PLA2G4F: variants seen among roughly 807,000 people sequenced by gnomAD.
PLA2G4F encodes cytosolic phospholipase A2 zeta.
A neutral mutation model predicts 103.1 loss-of-function variants in PLA2G4F; 105 were observed. The ratio of observed to expected loss-of-function variants is 1.02; its 90% CI spans 0.87 to 1.20. The LOEUF (loss-of-function observed/expected upper bound fraction) is 1.20, where lower values mean the gene tolerates loss of function less well. Ranked by LOEUF, PLA2G4F falls within the 50% of genes most tolerant of loss-of-function variation. The probability of loss-of-function intolerance (pLI) is 0.00; values close to 1 mark genes in which losing one functional copy is unlikely to be tolerated. For synonymous variants in PLA2G4F, 468 were observed against 441.1 expected, an observed-to-expected ratio of 1.06 and a Z score of -0.76; for missense variants, 1,155 against 1,075.9, an observed-to-expected ratio of 1.07 and a Z score of -1.03.
At position 42,144,566 on chromosome 15, in the gene PLA2G4F, T is replaced by C; in HGVS notation, c.1859A>G (p.Gln620Arg). The C allele has an allele frequency of 6.2e-7, 1 of 1,613,310 alleles. No individual in the cohort carries two copies. The highest frequency in any genetic ancestry group is 8.5e-7 in the Non-Finnish European group (1 of 1,179,956). ...RLLTPQGPFSQAVLDIFTSRF... is the reference protein window; with the variant it reads ...RLLTPQGPFSRAVLDIFTSRF... ...GGAGGTGAATATGTCCAGCACAGCC[T>C]GGGAGAAGGGCCCCTGTGGGGTGAG... The change falls in exon 17 of 20, where the codon CAG (glutamine) becomes CGG (arginine). Residue 620 changes from glutamine to arginine, a missense_variant. Gln to Arg is a conservative substitution (Grantham distance 43). Coordinates refer to ENST00000397272, the MANE Select transcript of PLA2G4F (RefSeq NM_213600.4).
rs1393949417 is a variant in PLA2G4F at position 42,150,677 on chromosome 15, G to C, written c.702C>G (p.Thr234=). 4 of 1,613,900 alleles carry C rather than the reference G, an allele frequency of 2.5e-6. No homozygotes were observed. Among genetic ancestry groups the C allele is most frequent in the Admixed American group, 1.7e-5 (1 of 59,986 alleles). The change falls in exon 8 of 20, where the codon ACC becomes ACG. Residue 234 remains threonine (T), a synonymous_variant. Coordinates refer to ENST00000397272, the MANE Select transcript of PLA2G4F (RefSeq NM_213600.4). ...AGCTCAGCACTGGGTTCACGTGGAA[G>C]GTAAAGGTGGGTGGGAGGCCTGGCT... is the stretch of plus-strand genomic sequence containing the variant. ...PTEPGLPPTF[T]FHVNPVLSSR...
In PLA2G4F at chr15:42,141,442, A is replaced by G. The variant is rs114076163; in HGVS notation, c.*542T>C. The G allele has an allele frequency of 5.4e-3, 2,411 of 447,298 alleles. 60 individuals are homozygous for G. Among genetic ancestry groups the G allele is most frequent in the African/African-American group, 0.044 (2,212 of 50,004 alleles). 27.7% of individuals were successfully genotyped at this position (447,298 alleles called of 1,614,324 possible). A position where few individuals can be genotyped will look rare whatever the true frequency, so the allele number is the denominator to read the frequency against. ...GGCAGAAGGAGGGTTAGGATGATGG[A>G]GTCAGCAACATAGGCTGGCCATCCC... On this transcript the variant is annotated 3_prime_UTR_variant, in exon 20 of 20. Transcript: ENST00000397272.
intron 19 of PLA2G4F, 107 bp from the exon 20 acceptor site, chr15:42,142,311 G>T: frequency 8.3e-7 from 1 of 1,199,656 alleles, no homozygotes. Context: ...GGCTCCCTGC[G>T]GGCCCTGCTT....
chr15:42,142,983 A>G (rs1233438704), intron 18 of PLA2G4F, among the ~76,000 whole-genome samples: 1 of 151,994 alleles, frequency 6.6e-6, no homozygotes, highest in South Asian at 2.1e-4. Flanking sequence ...GATCAAGACC[A>G]CCCTGGCCAA....
In PLA2G4F at chr15:42,148,113, C is replaced by T. The variant is rs145509488; in HGVS notation, c.1060-351G>A. Among the ~76,000 whole-genome samples, 101 of 146,418 alleles carry T rather than the reference C, an allele frequency of 6.9e-4. 1 individual carries two copies. Among genetic ancestry groups the T allele is most frequent in the Middle Eastern group, 3.5e-3 (1 of 284 alleles). ...AGGAGAATGGCGTGAACCCAGGAGG[C>T]GGAGCTTGCAGTGAACTGAAATTTC... On this transcript the variant is annotated intron_variant, in intron 11 of 19. Transcript: ENST00000397272.
rs1023495221 is a variant in PLA2G4F at position 42,145,963 on chromosome 15, A to T, written c.1535-60T>A. ...CTTCCCACCACGGTGCTTGTGCCCA[A>T]GCAGGAATCTTAGCCTTGACAATGA... On this transcript the variant is annotated intron_variant, in intron 14 of 19. Transcript: ENST00000397272. 24 of 1,602,900 alleles carry T rather than the reference A, an allele frequency of 1.5e-5. No individual in the cohort carries two copies. The Admixed American group carries it at 4.0e-4, about 27-fold the overall frequency.
rs141134667 is a variant in PLA2G4F, at chr15:42,142,068, G to A, written c.2466C>T (p.Asn822=). 3.8e-5 allele frequency: 62 copies of A among 1,614,036 alleles called. No homozygotes were observed. Among genetic ancestry groups the A allele is most frequent in the African/African-American group, 3.7e-4 (28 of 74,934 alleles). Residue 822 remains asparagine, a synonymous_variant, in exon 20 of 20, where the codon AAC becomes AAT. Coordinates refer to ENST00000397272, the MANE Select transcript of PLA2G4F (RefSeq NM_213600.4). ...FYRLVALSRY[N]VLNNVETLKC... is the part of the protein sequence containing the mutation. Reference sequence around the variant, plus strand: ...TCAAGGTCTCCACGTTGTTCAGGACGTTGTATCGACTGAGGGCCACCAGCC... The same window carrying A: ...TCAAGGTCTCCACGTTGTTCAGGACATTGTATCGACTGAGGGCCACCAGCC...
At position 42,145,859 on chromosome 15, in the gene PLA2G4F, C is replaced by T. The variant is rs766258609; in HGVS notation, c.1579G>A (p.Gly527Arg). The change falls in exon 15 of 20, where the codon GGG (glycine) becomes AGG (arginine). Residue 527 changes from glycine to arginine, a missense_variant. By Grantham distance (125) the Gly-to-Arg change is moderately radical. Transcript: ENST00000397272. ...TPYEVGFPKY[G>R]AYVPTELFGS... ...AAGAGCTCGGTGGGAACATAAGCCC[C>T]GTACTTGGGGAAGCCAACCTCATAG... 1.4e-5 allele frequency: 22 copies of T among 1,614,080 alleles called. No homozygotes were observed. The highest frequency in any genetic ancestry group is 3.3e-4 in the Middle Eastern group (2 of 6,062).
In PLA2G4F at chr15:42,147,165, C is replaced by T. The variant is rs764646519; in HGVS notation, c.1378G>A (p.Asp460Asn). Residue 460 changes from aspartate to asparagine, a missense_variant, in exon 13 of 20, where the codon GAC becomes AAC. By Grantham distance (23) the Asp-to-Asn change is conservative. Transcript: ENST00000397272. ...TACTCAACAAGGAGGCCCCAGAGGT[C>T]GATGAGGGACACGCTGTGGCCACTG... Reference protein sequence around the residue: ...ERSGHSVSLIDLWGLLVEYLL... With the variant: ...ERSGHSVSLINLWGLLVEYLL... 2.7e-5 allele frequency: 44 copies of T among 1,612,708 alleles called. No individual in the cohort carries two copies. Among genetic ancestry groups the T allele is most frequent in the African/African-American group, 6.7e-5 (5 of 74,860 alleles).
rs1171246160 is a variant in PLA2G4F, at chr15:42,144,021, T to C, written c.2099A>G (p.Asp700Gly). ...GGAATAGTCAAAGGACAGAATGAGG[T>C]CCACTGCTCTCTGAGGCAGCAGAGC... ...PLALLPQRAV[D>G]LILSFDYSLE... The change falls in exon 18 of 20, where the codon GAC (aspartate) becomes GGC (glycine). Residue 700 changes from aspartate to glycine, a missense_variant. By Grantham distance (94) the Asp-to-Gly change is moderately conservative. Around this residue, in one of 3 missense-constraint regions of PLA2G4F, gnomAD observed 782 missense variants for 692.9 expected, o/e 1.13. Coordinates refer to ENST00000397272, the MANE Select transcript of PLA2G4F (RefSeq NM_213600.4). 6.2e-7 allele frequency: 1 copy of C among 1,613,690 alleles called. No homozygotes were observed. Among genetic ancestry groups the C allele is most frequent in the East Asian group, 2.2e-5 (1 of 44,828 alleles).
At chr15:42,143,016 T>C (rs1460376830) in intron 18 of PLA2G4F, among the ~76,000 whole-genome samples, 1 of 151,680 alleles carries the variant, frequency 6.6e-6, no homozygotes, top group Admixed American at 6.6e-5. Flanking sequence ...CCGTCTCTAC[T>C]AAAATTACAA....
At position 42,139,374 on chromosome 15, in the gene PLA2G4F, C is replaced by G. The variant is rs1190251340; in HGVS notation, c.*2610G>C. The G allele has an allele frequency of 6.6e-6, 1 of 152,492 alleles. No homozygotes were observed. Among genetic ancestry groups the G allele is most frequent in the Non-Finnish European group, 1.5e-5 (1 of 68,094 alleles). 9.4% of individuals were successfully genotyped at this position (152,492 alleles called of 1,614,324 possible). ...CAGAGCCTTCCAACCTTTCAGAAGG[C>G]CTGCTCCTTTCCCTATAGCTTCTCC... On this transcript the variant is annotated 3_prime_UTR_variant, in exon 20 of 20. Coordinates refer to ENST00000397272, the MANE Select transcript of PLA2G4F (RefSeq NM_213600.4).
chr15:42,156,177 C>G (rs1251854543), intron 1 of PLA2G4F, among the ~76,000 whole-genome samples: 2 of 152,196 alleles, frequency 1.3e-5, no homozygotes, highest in Non-Finnish European at 2.9e-5. Flanking sequence ...GCTCCGTGGA[C>G]TCTACAGCCA....
intron 13 of PLA2G4F, chr15:42,146,763 C>T (rs547162498): frequency 8.8e-5 from 22 of 250,974 alleles, no homozygotes; most frequent in Non-Finnish European, 1.2e-4. Flanking sequence ...GTGGGTGTGG[C>T]GCTGGGCCTC....
intron 17 of PLA2G4F, 133 bp from the exon 18 acceptor site, chr15:42,144,277 G>A: frequency 7.2e-7 from 1 of 1,388,984 alleles, no homozygotes; most frequent in South Asian, 1.4e-5. Context: ...CCTGCCCCAA[G>A]CCCTTGGCCC....
rs369040665 is a variant in PLA2G4F, at chr15:42,145,657, G to T, written c.1698C>A (p.Thr566=). ...LQGMWGSAFA[T]SLDEIFLKTA... is the part of the protein sequence containing the mutation. ...TCTTTAGGAAGATCTCATCCAGGCT[G>T]GTGGCAAAGGCGCTGCCCCACATAC... The change falls in exon 16 of 20, where the codon ACC becomes ACA. Residue 566 remains threonine (T), a synonymous_variant. Transcript: ENST00000397272. The T allele has an allele frequency of 1.2e-6, 2 of 1,614,130 alleles. No homozygotes were observed. The highest frequency in any genetic ancestry group is 3.3e-5 in the Admixed American group (2 of 60,024).
At chr15:42,153,075 A>C (rs2048975948) in intron 6 of PLA2G4F, among the ~76,000 whole-genome samples, 1 of 152,196 alleles carries the variant, frequency 6.6e-6, no homozygotes, top group Non-Finnish European at 1.5e-5. Flanking sequence ...CCAGAGGCCC[A>C]AGTGAGTAAC....
chr15:42,149,993 A>C, intron 10 of PLA2G4F, 111 bp downstream of exon 10: 1 of 1,547,748 alleles, frequency 6.5e-7, no homozygotes, highest in Non-Finnish European at 8.9e-7. Context: ...GAAAAATGTC[A>C]TCCCCACCCC....
intron 16 of PLA2G4F, 132 bp from the exon 17 acceptor site, chr15:42,144,776 T>A: frequency 1.1e-6 from 1 of 922,942 alleles, no homozygotes; most frequent in Non-Finnish European, 1.5e-6. Context: ...TGACCCCACC[T>A]CCCAAGCCTC....
Sources: gnomAD v4.1 joint callset for allele counts (sites outside exome capture counted in the v4.1 genomes callset) on GRCh38, gnomAD v4.1.1 for gene constraint, gnomAD v4.1.1 regional missense constraint, MANE v1.5 for transcripts, NCBI Gene and HGNC (gene_info 2026-07-23, HGNC 2026-07-21) for gene names.